CUL5: variants seen among roughly 807,000 people sequenced by gnomAD.
CUL5 encodes the protein cullin 5.
A neutral mutation model predicts 108.8 loss-of-function variants in CUL5; 26 were observed. That is an observed-to-expected ratio of 0.24 (90% CI 0.18 to 0.33). The LOEUF is 0.33. Among genes scored for constraint, CUL5 ranks in the 10% least tolerant of loss-of-function variants. The probability of loss-of-function intolerance (pLI) is 1.00; values close to 1 mark genes in which losing one functional copy is unlikely to be tolerated. For missense variants in CUL5, 524 were observed against 909.2 expected (o/e 0.58, Z 5.45); for synonymous variants, 334 against 298.0 (o/e 1.12, Z -1.25).
chr11:108,096,886 T>C (rs180943944), intron 16 of CUL5, among the ~76,000 whole-genome samples: 1 of 152,232 alleles, frequency 6.6e-6, no homozygotes, highest in African/African-American at 2.4e-5. Flanking sequence ...ATTTTTATAC[T>C]GAGAATGTGT....
At chr11:108,016,935 G>A (rs1489305012) in intron 1 of CUL5, among the ~76,000 whole-genome samples, 2 of 152,122 alleles carry the variant, frequency 1.3e-5, no homozygotes, top group Admixed American at 6.6e-5. Flanking sequence ...GACTAGATTG[G>A]GCAGCATAGC....
At chr11:108,048,827 T>C (rs1047745810) in intron 3 of CUL5, among the ~76,000 whole-genome samples, 3 of 151,856 alleles carry the variant, frequency 2.0e-5, no homozygotes, top group Admixed American at 6.6e-5. Flanking sequence ...CCACCATGCC[T>C]GGCTAATTTT....
rs976153532 is a variant in CUL5, at chr11:108,008,949, G to A, written c.-400G>A. ...ACGTGGCCGCGGAACCTGAGCTGCG[G>A]GGCCTAAGCCGAGCTAAATTCGTTG... On this transcript the variant is annotated 5_prime_UTR_variant, in exon 1 of 19. Coordinates refer to ENST00000393094, the MANE Select transcript of CUL5 (RefSeq NM_003478.6). The A allele has an allele frequency of 3.1e-5, 6 of 191,046 alleles. No homozygotes were observed. Among genetic ancestry groups the A allele is most frequent in the Admixed American group, 1.2e-4 (2 of 16,404 alleles). 11.8% of individuals were successfully genotyped at this position (191,046 alleles called of 1,614,324 possible).
intron 3 of CUL5, among the ~76,000 whole-genome samples, chr11:108,048,940 C>G (rs12574572): frequency 6.6e-6 from 1 of 151,686 alleles, no homozygotes. Flanking sequence ...GCTGGGATTA[C>G]AGGCATGAGC....
chr11:108,038,828 G>C (rs1213406294), intron 2 of CUL5, among the ~76,000 whole-genome samples: 1 of 152,010 alleles, frequency 6.6e-6, no homozygotes, highest in East Asian at 1.9e-4. Flanking sequence ...TTAACATTTA[G>C]GTTGCTTATA....
At position 108,038,970 on chromosome 11, in the gene CUL5, T is replaced by C. The variant is rs189563318; in HGVS notation, c.134+5059T>C. On this transcript the variant is annotated intron_variant, in intron 2 of 18. Transcript: ENST00000393094. The stretch of plus-strand genomic sequence containing the variant: ...TTGGTATTTTGGGTGGTATAAGAGA[T>C]TGTTCTGCATGTTGTGCAATATTTA... Among the ~76,000 whole-genome samples the C allele has an allele frequency of 1.2e-3, 180 of 152,218 alleles. 1 individual carries two copies. Among genetic ancestry groups the C allele is most frequent in the Admixed American group, 2.0e-3 (30 of 15,266 alleles).
At position 108,094,932 on chromosome 11, in the gene CUL5, A is replaced by G. The variant is rs1864451962; in HGVS notation, c.1688A>G (p.Lys563Arg). 3 of 1,613,510 alleles carry G rather than the reference A, an allele frequency of 1.9e-6. No individual in the cohort carries two copies. The highest frequency in any genetic ancestry group is 2.5e-6 in the Non-Finnish European group (3 of 1,179,746). ...DLIPEVEEFY[K>R]KNHSGRKLHW... ...ATACCGGAAGTAGAAGAATTCTACAAAAAAAATCATAGTGGTAGAAAATTA... is the reference window on the plus strand; with the variant it reads ...ATACCGGAAGTAGAAGAATTCTACAGAAAAAATCATAGTGGTAGAAAATTA... Residue 563 changes from lysine to arginine, a missense_variant, in exon 15 of 19, where the codon AAA becomes AGA. By Grantham distance (26) the Lys-to-Arg change is conservative (BLOSUM62 2). Around this residue, in one of 8 missense-constraint regions of CUL5, gnomAD observed 64 missense variants for 152.0 expected, o/e 0.42. Coordinates refer to ENST00000393094, the MANE Select transcript of CUL5 (RefSeq NM_003478.6).
intron 1 of CUL5, among the ~76,000 whole-genome samples, chr11:108,018,815 C>T (rs1225548014): frequency 1.3e-5 from 2 of 152,136 alleles, no homozygotes; most frequent in South Asian, 2.1e-4. Context: ...AGTGTACTTG[C>T]AATGTAACAA....
intron 7 of CUL5, among the ~76,000 whole-genome samples, chr11:108,064,571 G>A (rs114741365): frequency 4.6e-5 from 7 of 152,010 alleles, no homozygotes; most frequent in Non-Finnish European, 8.8e-5. Flanking sequence ...ATTAGCGGGC[G>A]AGGTGTCAGG....
chr11:108,049,934 T>C lies in CUL5; in HGVS notation c.279T>C (p.Tyr93=), dbSNP rs1179509971. 6.2e-7 allele frequency: 1 copy of C among 1,613,830 alleles called. No individual in the cohort carries two copies. Among genetic ancestry groups the C allele is most frequent in the South Asian group, 1.1e-5 (1 of 91,062 alleles). The change falls in exon 4 of 19, where the codon TAT becomes TAC. Residue 93 remains tyrosine, a synonymous_variant. Transcript: ENST00000393094. Reference sequence around the variant, plus strand: ...ATGATACGGCTTTGCTAAAAGCATATATTGTTGAATGGCGAAAGTTCTTTA... The same window carrying C: ...ATGATACGGCTTTGCTAAAAGCATACATTGTTGAATGGCGAAAGTTCTTTA... ...HQDDTALLKA[Y]IVEWRKFFTQ...
At chr11:108,079,437 C>T (rs1864017899) in intron 11 of CUL5, among the ~76,000 whole-genome samples, 1 of 152,154 alleles carries the variant, frequency 6.6e-6, no homozygotes, top group Admixed American at 6.5e-5. Context: ...AATGTTCAAA[C>T]TTACAATAGA....
At chr11:108,050,362 CT>C (rs1863182438) in intron 4 of CUL5, among the ~76,000 whole-genome samples, 1 of 150,710 alleles carries the variant, frequency 6.6e-6, no homozygotes, top group Non-Finnish European at 1.5e-5. Flanking sequence ...TCTATTCTTT[CT>C]TTGTACTCTT....
intron 2 of CUL5, among the ~76,000 whole-genome samples, chr11:108,036,063 T>C (rs1365352614): frequency 6.6e-6 from 1 of 152,192 alleles, no homozygotes; most frequent in Non-Finnish European, 1.5e-5. Flanking sequence ...AATATGCACA[T>C]CAGGCTGGAA....
intron 3 of CUL5, among the ~76,000 whole-genome samples, chr11:108,047,945 G>A (rs1183327643): frequency 6.6e-6 from 1 of 152,106 alleles, no homozygotes; most frequent in African/African-American, 2.4e-5. Context: ...GCAAAAAAAA[G>A]TAGGGGAGGG....
At chr11:108,045,452 G>A (rs1863041845) in intron 2 of CUL5, among the ~76,000 whole-genome samples, 1 of 152,076 alleles carries the variant, frequency 6.6e-6, no homozygotes, top group South Asian at 2.1e-4. Context: ...AACTAGACAG[G>A]TGCATGCTTG....
intron 2 of CUL5, 26 bp downstream of exon 2, chr11:108,033,937 C>A: frequency 7.0e-7 from 1 of 1,431,410 alleles, no homozygotes; most frequent in Non-Finnish European, 9.7e-7. Flanking sequence ...ATTCTGTTTG[C>A]TAGCATAAAG....
intron 7 of CUL5, among the ~76,000 whole-genome samples, chr11:108,067,754 G>A (rs1863721886): frequency 1.3e-5 from 2 of 152,046 alleles, no homozygotes; most frequent in Non-Finnish European, 2.9e-5. Flanking sequence ...GTTATATATT[G>A]TTAGATTTAC....
chr11:108,102,409 C>T (rs974208811), intron 18 of CUL5, among the ~76,000 whole-genome samples: 1 of 152,164 alleles, frequency 6.6e-6, no homozygotes, highest in Non-Finnish European at 1.5e-5. Context: ...TCACTGCAAC[C>T]TCTGCCTTTC....
intron 16 of CUL5, among the ~76,000 whole-genome samples, chr11:108,096,564 CTTTTTTTTTTTT>C (rs71047671): frequency 2.2e-5 from 1 of 45,866 alleles, no homozygotes; most frequent in East Asian, 7.6e-4. Flanking sequence ...CAGCTATGTA[CTTTTTTTTTTTT>C]TTTTTTTTTT....
Sources: allele counts gnomAD v4.1 joint callset (sites outside exome capture counted in the v4.1 genomes callset), GRCh38; gene constraint gnomAD v4.1.1; regional missense constraint gnomAD v4.1.1; transcripts MANE v1.5; gene names NCBI Gene and HGNC (gene_info 2026-07-23, HGNC 2026-07-21).